DENND2D: variants seen among roughly 807,000 people sequenced by gnomAD.
The protein encoded by DENND2D is DENN domain containing 2D, also known as DENN domain-containing protein 2D.
In DENND2D, 37 loss-of-function variants were observed where a neutral mutation model predicts 59.8. That is an observed-to-expected ratio of 0.62 (90% confidence interval 0.48 to 0.81). The LOEUF (loss-of-function observed/expected upper bound fraction) is 0.81. DENND2D is among the 40% of genes least tolerant of loss of function. DENND2D has a pLI of 0.00. For missense variants in DENND2D, 525 were observed against 579.7 expected, an observed-to-expected ratio of 0.91 and a Z score of 0.97; for synonymous variants, 219 against 211.3, an observed-to-expected ratio of 1.04 and a Z score of -0.31.
intron 1 of DENND2D, 150 bp from the exon 2 acceptor site, chr1:111,199,948 A>C: frequency 9.9e-7 from 1 of 1,012,430 alleles, no homozygotes; most frequent in Non-Finnish European, 1.4e-6. Flanking sequence ...GTCACTCAGG[A>C]TCAGGGCCAA....
chr1:111,192,384 G>A (rs1207675075), intron 7 of DENND2D, 67 bp from the exon 8 acceptor site: 12 of 1,428,266 alleles, frequency 8.4e-6, no homozygotes, highest in South Asian at 1.6e-5. Flanking sequence ...ACCCCTCATC[G>A]CCCACCACCA....
intron 8 of DENND2D, among the ~76,000 whole-genome samples, chr1:111,190,158 T>C (rs756407853): frequency 5.1e-4 from 40 of 78,926 alleles, no homozygotes; most frequent in African/African-American, 1.3e-3. Context: ...AGCGAGACTC[T>C]GTCTCAAAAA....
intron 10 of DENND2D, 36 bp from the exon 11 acceptor site, chr1:111,188,406 A>G (rs1218231786): frequency 1.9e-6 from 3 of 1,602,082 alleles, no homozygotes; most frequent in Non-Finnish European, 2.6e-6. Flanking sequence ...AGAGGGTAGC[A>G]GAAGGATGAA....
At chr1:111,197,687 A>G in intron 4 of DENND2D, 2 of 1,396,380 alleles carry the variant, frequency 1.4e-6, no homozygotes, top group Non-Finnish European at 9.3e-7. Flanking sequence ...TTGTATTGAA[A>G]GCCAGAGAGA....
At chr1:111,198,822 T>C in intron 2 of DENND2D, 80 bp from the exon 3 acceptor site, 2 of 1,458,212 alleles carry the variant, frequency 1.4e-6, no homozygotes, top group Non-Finnish European at 1.9e-6. Context: ...CTGGTGGGCT[T>C]CCTTTGAGGC....
At chr1:111,188,632 T>C in intron 10 of DENND2D, 70 bp downstream of exon 10, 2 of 1,422,628 alleles carry the variant, frequency 1.4e-6, no homozygotes, top group South Asian at 2.3e-5. Flanking sequence ...ATTTTAGTTC[T>C]GGAAGGGAAT....
chr1:111,188,386 A>G lies in DENND2D; in HGVS notation c.1100-16T>C, dbSNP rs1422758609. 5 of 1,611,130 alleles carry G rather than the reference A, an allele frequency of 3.1e-6. No homozygotes were observed. Among genetic ancestry groups the G allele is most frequent in the Non-Finnish European group, 3.4e-6 (4 of 1,178,620 alleles). On this transcript the variant is annotated splice_polypyrimidine_tract_variant and intron_variant, in intron 10 of 11. Transcript: ENST00000357640. ...TGTTCTGCAGCTGCAGGAGATATAAAGGCCATCTCAGAGGGTAGCAGAAGG... is the reference window on the plus strand; with the variant it reads ...TGTTCTGCAGCTGCAGGAGATATAAGGGCCATCTCAGAGGGTAGCAGAAGG...
chr1:111,196,867 C>G (rs188187796), intron 5 of DENND2D: 1 of 350,332 alleles, frequency 2.9e-6, no homozygotes, highest in Admixed American at 3.7e-5. Context: ...ATTATTATAT[C>G]CATTCGACGG....
Position 111,187,482 on chromosome 1 carries a change from A to T in DENND2D, c.*123T>A. On this transcript the variant is annotated 3_prime_UTR_variant, in exon 12 of 12. Transcript: ENST00000357640. ...CACCAGTTTGAAGCAATACCTGGATACCAAGACTCAGAGTGAGGATATGGA... is the reference window on the plus strand; with the variant it reads ...CACCAGTTTGAAGCAATACCTGGATTCCAAGACTCAGAGTGAGGATATGGA... The T allele has an allele frequency of 1.3e-6, 1 of 742,004 alleles. No individual in the cohort carries two copies. The highest frequency in any genetic ancestry group is 2.3e-6 in the Non-Finnish European group (1 of 431,584). The allele number at this position is 742,004 out of a possible 1,614,324, so 46.0% of individuals were successfully genotyped here. A position where few individuals can be genotyped will look rare whatever the true frequency, so the allele number is the denominator to read the frequency against.
chr1:111,191,994 G>A, intron 8 of DENND2D, 146 bp downstream of exon 8: 1 of 803,770 alleles, frequency 1.2e-6, no homozygotes, highest in Non-Finnish European at 1.8e-6. Context: ...AGTGAACACT[G>A]TTATCCCCAT....
intron 11 of DENND2D, 120 bp from the exon 12 acceptor site, chr1:111,187,801 G>T: frequency 1.2e-6 from 1 of 849,436 alleles, no homozygotes; most frequent in Non-Finnish European, 1.9e-6. Flanking sequence ...CTGCCAGGAT[G>T]TCTCTGGCCT....
chr1:111,192,510 T>C (rs1015075227), intron 7 of DENND2D, among the ~76,000 whole-genome samples, 193 bp from the exon 8 acceptor site: 1 of 151,802 alleles, frequency 6.6e-6, no homozygotes, highest in Non-Finnish European at 1.5e-5. Flanking sequence ...AACTAGAGAG[T>C]CTGAGGCTTC....
chr1:111,188,832 A>G (rs1289955407), intron 9 of DENND2D, 46 bp from the exon 10 acceptor site: 2 of 1,560,136 alleles, frequency 1.3e-6, no homozygotes, highest in African/African-American at 2.7e-5. Context: ...GGAAGTGTGG[A>G]GTGAAGGTGG....
At chr1:111,189,462 G>A (rs557405258) in intron 8 of DENND2D, 125 of 587,098 alleles carry the variant, frequency 2.1e-4, no homozygotes, top group Non-Finnish European at 3.5e-4. Flanking sequence ...AAGGGTGTGG[G>A]TGTTTGTAGG....
At chr1:111,197,062 A>G in intron 5 of DENND2D, 114 bp downstream of exon 5, 2 of 1,239,454 alleles carry the variant, frequency 1.6e-6, no homozygotes, top group South Asian at 1.3e-5. Context: ...GTGTGCTTTA[A>G]TGCTGACTCT....
chr1:111,194,919 C>A (rs917881025), intron 6 of DENND2D, among the ~76,000 whole-genome samples, 193 bp from the exon 7 acceptor site: 3 of 151,950 alleles, frequency 2.0e-5, no homozygotes, highest in African/African-American at 7.3e-5. Flanking sequence ...ATGTCCTGCA[C>A]CCTCCCTCAC....
chr1:111,187,599 C>T lies in DENND2D; in HGVS notation c.*6G>A, dbSNP rs767130065. 6.2e-7 allele frequency: 1 copy of T among 1,610,386 alleles called. No individual in the cohort carries two copies. Among genetic ancestry groups the T allele is most frequent in the South Asian group, 1.1e-5 (1 of 90,992 alleles). On this transcript the variant is annotated 3_prime_UTR_variant, in exon 12 of 12. Transcript: ENST00000357640. ...TAGCTCTAGTCATTCTTATTCACCA[C>T]AGCTCTTATTTCACAGTTTTTTCCC...
intron 8 of DENND2D, 153 bp from the exon 9 acceptor site, chr1:111,189,406 C>T: frequency 1.4e-6 from 1 of 734,182 alleles, no homozygotes; most frequent in South Asian, 1.8e-5. Flanking sequence ...TAGCATTCTC[C>T]TTTCTCACCA....
intron 1 of DENND2D, 98 bp downstream of exon 1, chr1:111,200,295 G>C: frequency 6.7e-7 from 1 of 1,494,652 alleles, no homozygotes; most frequent in South Asian, 1.2e-5. Context: ...TGGAGGCCGA[G>C]ATATAAAGGA....
Sources: allele counts gnomAD v4.1 joint callset (sites outside exome capture counted in the v4.1 genomes callset), GRCh38; gene constraint gnomAD v4.1.1; transcripts MANE v1.5; gene names NCBI Gene and HGNC (gene_info 2026-07-23, HGNC 2026-07-21).